Variants in AP3B2 observed in about 807,000 individuals in gnomAD.
AP3B2 encodes the protein AP-3 complex subunit beta-2.
Under a neutral mutation model 126.9 loss-of-function variants are expected in AP3B2, and 50 were observed. The observed-to-expected ratio is 0.39, with a 90% CI of 0.31 to 0.50. The LOEUF is 0.50. Ranked by LOEUF, AP3B2 falls within the 20% of genes least tolerant of loss-of-function variation. The probability of loss-of-function intolerance (pLI) is 0.79; values close to 1 mark genes in which losing one functional copy is unlikely to be tolerated. For synonymous variants in AP3B2, 541 were observed against 565.0 expected (o/e 0.96, Z 0.60); for missense variants, 1,177 against 1,426.4 (o/e 0.83, Z 2.82).
intron 14 of AP3B2, among the ~76,000 whole-genome samples, chr15:82,673,261 C>T (rs1221331495): frequency 6.6e-6 from 1 of 152,200 alleles, no homozygotes; most frequent in Non-Finnish European, 1.5e-5. Flanking sequence ...GTGGCCCAGG[C>T]TGGAGTGTGG....
chr15:82,666,859 GC>G lies in AP3B2; in HGVS notation c.1739del (p.Arg580ProfsTer215). 6.2e-7 allele frequency: 1 copy of G among 1,614,048 alleles called. No individual in the cohort carries two copies. Among genetic ancestry groups the G allele is most frequent in the Non-Finnish European group, 8.5e-7 (1 of 1,179,900 alleles). On this transcript the variant is annotated frameshift_variant, in exon 15 of 27. Transcript: ENST00000535359. LOFTEE classifies it high-confidence loss of function. ...DQNYDIRDRA[R>X]FTRQLIVPSE... The stretch of plus-strand genomic sequence containing the variant: ...AAGGGACGATGAGCTGCCGGGTGAA[GC>G]GCGCCCGGTCGCGAATATCATAGTT...
At chr15:82,684,733 C>T (rs2036962113) in intron 4 of AP3B2, among the ~76,000 whole-genome samples, 1 of 152,162 alleles carries the variant, frequency 6.6e-6, no homozygotes, top group South Asian at 2.1e-4. Context: ...CTCAAGTGAT[C>T]CTCCTGCCTC....
intron 1 of AP3B2, chr15:82,692,164 T>C (rs1346308133): frequency 3.4e-6 from 5 of 1,480,746 alleles, no homozygotes; most frequent in Non-Finnish European, 3.7e-6. Flanking sequence ...TAATCATAAC[T>C]ATTTCTTCCA....
chr15:82,689,503 G>T (rs896694147), intron 1 of AP3B2, 50 bp from the exon 2 acceptor site: 6 of 1,565,118 alleles, frequency 3.8e-6, no homozygotes, highest in Non-Finnish European at 5.2e-6. Flanking sequence ...TGGGGATGGG[G>T]TATTAATCAG....
rs533460735 is a variant in AP3B2, at chr15:82,681,281, C to T, written c.522-103G>A. On this transcript the variant is annotated intron_variant, in intron 5 of 26. Coordinates refer to ENST00000535359, the MANE Select transcript of AP3B2 (RefSeq NM_001278512.2). The surrounding 1 kb of genome is among the most constrained non-coding windows in gnomAD (Gnocchi z 4.0). ...TCCTGCACCCCAGCCTTATTGTTCTCCTCCATCTCTGTCAGTCCCCCAAAC... is the reference window on the plus strand; with the variant it reads ...TCCTGCACCCCAGCCTTATTGTTCTTCTCCATCTCTGTCAGTCCCCCAAAC... 3 of 1,519,788 alleles carry T rather than the reference C, an allele frequency of 2.0e-6. No homozygotes were observed. Among genetic ancestry groups the T allele is most frequent in the African/African-American group, 2.7e-5 (2 of 72,918 alleles). 94.1% of individuals were successfully genotyped at this position (1,519,788 alleles called of 1,614,324 possible).
intron 25 of AP3B2, among the ~76,000 whole-genome samples, chr15:82,661,488 T>C (rs1340028548): frequency 6.6e-6 from 1 of 152,110 alleles, no homozygotes; most frequent in African/African-American, 2.4e-5. Flanking sequence ...GGGGGAGCAA[T>C]CAAAAGATTA....
intron 21 of AP3B2, 95 bp from the exon 22 acceptor site, chr15:82,663,328 T>G: frequency 9.1e-7 from 1 of 1,101,828 alleles, no homozygotes; most frequent in South Asian, 1.3e-5. Context: ...TTCAGCACCA[T>G]GGACAGCGGG....
Position 82,663,887 on chromosome 15 carries a change from C to T in AP3B2, c.2350G>A (p.Asp784Asn), listed in dbSNP as rs868273372. The change falls in exon 20 of 27, where the codon GAT becomes AAT. Residue 784 changes from aspartate (D) to asparagine (N), a missense_variant. Physicochemically the swap from Asp to Asn is conservative, Grantham distance 23. Transcript: ENST00000535359. ...GEASSSDEGS[D>N]SSSSSSESEM... ...GACTCTGATGAGCTACTGCTGGAAT[C>T]GCTGCCCTCATCAGAGGATGACGCT... 15 of 1,613,636 alleles carry T rather than the reference C, an allele frequency of 9.3e-6. No individual in the cohort carries two copies. The highest frequency in any genetic ancestry group is 3.3e-4 in the Middle Eastern group (2 of 6,084).
chr15:82,709,004 G>C (rs1475934459), intron 1 of AP3B2, among the ~76,000 whole-genome samples: 1 of 152,188 alleles, frequency 6.6e-6, no homozygotes, highest in Non-Finnish European at 1.5e-5. Flanking sequence ...ATAAACAAAT[G>C]AAGAAACAAA....
At chr15:82,691,882 T>C in intron 1 of AP3B2, 1 of 1,266,614 alleles carries the variant, frequency 7.9e-7, no homozygotes, top group South Asian at 1.2e-5. Flanking sequence ...GAGAGTGGAA[T>C]TTAGTGTCAT....
intron 14 of AP3B2, among the ~76,000 whole-genome samples, chr15:82,671,718 G>A (rs1567261115): frequency 6.9e-6 from 1 of 145,866 alleles, no homozygotes; most frequent in African/African-American, 2.5e-5. Context: ...TCCAGCCTGG[G>A]AAAAAAGAGT....
At chr15:82,663,665 T>A (rs771624354) in intron 20 of AP3B2, 45 bp from the exon 21 acceptor site, 1 of 1,613,052 alleles carries the variant, frequency 6.2e-7, no homozygotes, top group Non-Finnish European at 8.5e-7. Flanking sequence ...GGGGAGCACC[T>A]TGGCATGTTC....
chr15:82,675,248 T>G (rs1043977777), intron 14 of AP3B2, among the ~76,000 whole-genome samples: 1 of 152,246 alleles, frequency 6.6e-6, no homozygotes, highest in Non-Finnish European at 1.5e-5. Context: ...TCCTTCCACC[T>G]GAAGACCTAA....
At position 82,665,642 on chromosome 15, in the gene AP3B2, G is replaced by T; in HGVS notation, c.1853-67C>A. The T allele has an allele frequency of 1.6e-6, 2 of 1,286,970 alleles. No homozygotes were observed. Among genetic ancestry groups the T allele is most frequent in the South Asian group, 1.3e-5 (1 of 79,464 alleles). The allele number at this position is 1,286,970 out of a possible 1,614,324, so 79.7% of individuals were successfully genotyped here. ...GGAAAGCTCTGGGAGCTGTTTTCCAGGTGGGGCTGGGTGGTGATTCTGGTT... is the reference window on the plus strand; with the variant it reads ...GGAAAGCTCTGGGAGCTGTTTTCCATGTGGGGCTGGGTGGTGATTCTGGTT... On this transcript the variant is annotated intron_variant, in intron 15 of 26. Transcript: ENST00000535359. This position sits in a 1 kb window ranked among gnomAD's most constrained non-coding sequence, Gnocchi z 4.4.
intron 1 of AP3B2, among the ~76,000 whole-genome samples, chr15:82,693,310 G>A (rs919068824): frequency 4.0e-5 from 6 of 149,984 alleles, no homozygotes; most frequent in African/African-American, 1.5e-4. Context: ...GCAATGGCAC[G>A]ATCTCGGGTC....
rs1390051814 is a variant in AP3B2, at chr15:82,662,693, C to A, written c.2833+1G>T. On this transcript the variant is annotated splice_donor_variant, in intron 23 of 26. Coordinates refer to ENST00000535359, the MANE Select transcript of AP3B2 (RefSeq NM_001278512.2). LOFTEE classifies it high-confidence loss of function. ...TCCACCCCATCCAAAGCCCTTCGCA[C>A]CAATTTCGGGAAATTCTTGGATGCT... is the stretch of plus-strand genomic sequence containing the variant. 1 of 1,611,408 alleles carries A rather than the reference C, an allele frequency of 6.2e-7. No individual in the cohort carries two copies. Among genetic ancestry groups the A allele is most frequent in the Non-Finnish European group, 8.5e-7 (1 of 1,178,686 alleles).
chr15:82,659,801 G>A, intron 26 of AP3B2, 44 bp downstream of exon 26: 2 of 1,609,702 alleles, frequency 1.2e-6, no homozygotes, highest in Non-Finnish European at 1.7e-6. Flanking sequence ...CTTCAAACCA[G>A]GGCCCCCATG....
At chr15:82,671,798 C>G (rs1411151123) in intron 14 of AP3B2, among the ~76,000 whole-genome samples, 1 of 151,194 alleles carries the variant, frequency 6.6e-6, no homozygotes, top group African/African-American at 2.4e-5. Context: ...AATCCCAGCA[C>G]TTTGGGAGGC....
At chr15:82,679,887 C>G (rs544532152) in intron 9 of AP3B2, 87 bp from the exon 10 acceptor site, 1 of 1,258,976 alleles carries the variant, frequency 7.9e-7, no homozygotes, top group African/African-American at 1.5e-5. Context: ...CCTGACCCAG[C>G]GCCCAGGATC....
Sources: allele counts gnomAD v4.1 joint callset (sites outside exome capture counted in the v4.1 genomes callset), GRCh38; gene constraint gnomAD v4.1.1; non-coding constraint Gnocchi (gnomAD v3.1); transcripts MANE v1.5; gene names NCBI Gene and HGNC (gene_info 2026-07-23, HGNC 2026-07-21).